Variants in CAMTA1 observed in about 807,000 individuals in gnomAD.
The protein encoded by CAMTA1 is calmodulin-binding transcription activator 1.
A neutral mutation model predicts 170.9 loss-of-function variants in CAMTA1; 27 were observed. The ratio of observed to expected loss-of-function variants is 0.16; its 90% CI spans 0.12 to 0.22. The LOEUF is 0.22. Among genes scored for constraint, CAMTA1 ranks in the 10% least tolerant of loss-of-function variants. The pLI, the probability that CAMTA1 is intolerant of heterozygous loss-of-function variation, is 1.00. For synonymous variants in CAMTA1, 833 were observed against 891.5 expected (o/e 0.93, Z 1.17); for missense variants, 1,619 against 2,217.2 (o/e 0.73, Z 5.42).
intron 3 of CAMTA1, among the ~76,000 whole-genome samples, chr1:7,008,170 G>T (rs1256602720): frequency 6.6e-6 from 1 of 152,166 alleles, no homozygotes; most frequent in Non-Finnish European, 1.5e-5. Context: ...TGGGCCTCAG[G>T]TGGACTCAGA....
chr1:7,090,360 G>A (rs1292036165), intron 3 of CAMTA1, among the ~76,000 whole-genome samples: 1 of 152,226 alleles, frequency 6.6e-6, no homozygotes, highest in Non-Finnish European at 1.5e-5. Flanking sequence ...AACCCCGGCT[G>A]CAGAGAGAGC....
intron 3 of CAMTA1, among the ~76,000 whole-genome samples, chr1:6,893,389 G>A (rs551464213): frequency 2.0e-5 from 3 of 152,348 alleles, no homozygotes; most frequent in African/African-American, 7.2e-5. Context: ...GTGGGTGGGC[G>A]AGCTGCTCCC....
intron 5 of CAMTA1, among the ~76,000 whole-genome samples, chr1:7,277,492 T>C (rs1432632633): frequency 6.8e-6 from 1 of 147,468 alleles, no homozygotes; most frequent in Non-Finnish European, 1.5e-5. Context: ...TGTGTGTGTG[T>C]AAGAGAGAGA....
rs186997400 is a variant in CAMTA1, at chr1:6,830,286, C to T, written c.234+5076C>T. On this transcript the variant is annotated intron_variant, in intron 3 of 22. Coordinates refer to ENST00000303635, the MANE Select transcript of CAMTA1 (RefSeq NM_015215.4). ...CTCCTGATCTCCTGACCTCGTGATC[C>T]GCCCGCCTTGGTGTCCCAAGGTGCT... Among the ~76,000 whole-genome samples, 162 of 151,118 alleles carry T rather than the reference C, an allele frequency of 1.1e-3. 2 individuals carry two copies. Among genetic ancestry groups the T allele is most frequent in the Non-Finnish European group, 1.9e-3 (127 of 67,836 alleles).
At chr1:7,427,388 C>G (rs2091918541) in intron 5 of CAMTA1, among the ~76,000 whole-genome samples, 1 of 152,140 alleles carries the variant, frequency 6.6e-6, no homozygotes, top group Non-Finnish European at 1.5e-5. Flanking sequence ...CTCAGTATTT[C>G]TACGGCAATG....
intron 4 of CAMTA1, among the ~76,000 whole-genome samples, chr1:7,171,553 A>G (rs992980777): frequency 3.3e-5 from 5 of 152,230 alleles, no homozygotes; most frequent in East Asian, 1.9e-4. Flanking sequence ...ACTCTTTTCT[A>G]TGAATTATTC....
rs2149101563 is a variant in CAMTA1 at position 7,216,833 on chromosome 1, A to C, written c.303-32658A>C. ...TTCCTACAATTTCCTCTCCTGTAAAAGTGGTTGTAGTCTTGTTTGGTGCAC... is the reference window on the plus strand; with the variant it reads ...TTCCTACAATTTCCTCTCCTGTAAACGTGGTTGTAGTCTTGTTTGGTGCAC... On this transcript the variant is annotated intron_variant, in intron 4 of 22. Coordinates refer to ENST00000303635, the MANE Select transcript of CAMTA1 (RefSeq NM_015215.4). This position sits in a 1 kb window ranked among gnomAD's most constrained non-coding sequence, Gnocchi z 4.0. Among the ~76,000 whole-genome samples, 1 of 152,166 alleles carries C rather than the reference A, an allele frequency of 6.6e-6. No homozygotes were observed.
At chr1:7,227,069 G>A (rs990291215) in intron 4 of CAMTA1, among the ~76,000 whole-genome samples, 4 of 151,908 alleles carry the variant, frequency 2.6e-5, no homozygotes, top group Admixed American at 6.6e-5. Flanking sequence ...TACTGACCTC[G>A]TGATCCACCC....
At chr1:6,877,638 C>G (rs1336660287) in intron 3 of CAMTA1, among the ~76,000 whole-genome samples, 1 of 152,190 alleles carries the variant, frequency 6.6e-6, no homozygotes, top group Non-Finnish European at 1.5e-5. Flanking sequence ...TTTCCACTTT[C>G]CGCACACATC....
rs935029842 is a variant in CAMTA1 at position 7,073,624 on chromosome 1, C to T, written c.235-17680C>T. Among the ~76,000 whole-genome samples the T allele has an allele frequency of 4.6e-5, 7 of 152,200 alleles. 1 individual carries two copies. In the South Asian group the frequency reaches 6.2e-4, roughly 14 times the overall value. On this transcript the variant is annotated intron_variant, in intron 3 of 22. Coordinates refer to ENST00000303635, the MANE Select transcript of CAMTA1 (RefSeq NM_015215.4). Reference sequence around the variant, plus strand: ...CTTGTTAGAGGCTAAGTGAAGATGACGTTTCAATGAGGAGAGAGGGTTATC... The same window carrying T: ...CTTGTTAGAGGCTAAGTGAAGATGATGTTTCAATGAGGAGAGAGGGTTATC...
chr1:7,034,759 A>G (rs1034544752), intron 3 of CAMTA1, among the ~76,000 whole-genome samples: 1 of 152,206 alleles, frequency 6.6e-6, no homozygotes, highest in Non-Finnish European at 1.5e-5. Context: ...CTTCACTCCC[A>G]GATGTCTGAT....
At chr1:7,054,078 G>A (rs1706909663) in intron 3 of CAMTA1, among the ~76,000 whole-genome samples, 1 of 152,210 alleles carries the variant, frequency 6.6e-6, no homozygotes, top group Admixed American at 6.5e-5. Flanking sequence ...CTCACTGCCA[G>A]CCCAGCCTCT....
chr1:7,085,810 C>A (rs1404775806), intron 3 of CAMTA1, among the ~76,000 whole-genome samples: 1 of 152,228 alleles, frequency 6.6e-6, no homozygotes, highest in Non-Finnish European at 1.5e-5. Context: ...TTGCAGTCCT[C>A]TATCAAAACC....
intron 6 of CAMTA1, among the ~76,000 whole-genome samples, chr1:7,622,044 C>G (rs2095602373): frequency 6.6e-6 from 1 of 152,190 alleles, no homozygotes; most frequent in African/African-American, 2.4e-5. Context: ...AGACAGAAAC[C>G]AAAAACCAAA....
chr1:7,040,386 G>A (rs560420388), intron 3 of CAMTA1, among the ~76,000 whole-genome samples: 8 of 152,194 alleles, frequency 5.3e-5, no homozygotes, highest in South Asian at 2.1e-4. Flanking sequence ...TTTACGTGAC[G>A]GACTGTAATG....
chr1:6,798,912 C>T (rs1643257769), intron 1 of CAMTA1, among the ~76,000 whole-genome samples: 1 of 152,066 alleles, frequency 6.6e-6, no homozygotes, highest in Non-Finnish European at 1.5e-5. Context: ...AAAGCGTTAT[C>T]ATTTTTATCT....
chr1:7,592,844 A>G lies in CAMTA1; in HGVS notation c.511-47556A>G, dbSNP rs2095365778. ...AGTAACAACAGTAATAGCTATGGCCATGTGTTAAACATTAGGGCGGGATCA... is the reference window on the plus strand; with the variant it reads ...AGTAACAACAGTAATAGCTATGGCCGTGTGTTAAACATTAGGGCGGGATCA... On this transcript the variant is annotated intron_variant, in intron 6 of 22. Coordinates refer to ENST00000303635, the MANE Select transcript of CAMTA1 (RefSeq NM_015215.4). This position sits in a 1 kb window ranked among gnomAD's most constrained non-coding sequence, Gnocchi z 4.6. Among the ~76,000 whole-genome samples, 1 of 152,188 alleles carries G rather than the reference A, an allele frequency of 6.6e-6. No homozygotes were observed. The highest frequency in any genetic ancestry group is 2.4e-5 in the African/African-American group (1 of 41,456).
intron 11 of CAMTA1, among the ~76,000 whole-genome samples, chr1:7,692,311 GC>G (rs2096324951): frequency 6.6e-6 from 1 of 152,134 alleles, no homozygotes; most frequent in South Asian, 2.1e-4. Context: ...GCTCACTGAA[GC>G]TGGAAGAGAA....
At chr1:6,909,239 G>T in intron 3 of CAMTA1, among the ~76,000 whole-genome samples, 1 of 152,164 alleles carries the variant, frequency 6.6e-6, no homozygotes, top group African/African-American at 2.4e-5. Context: ...TTAGATGAAA[G>T]GACACACAAA....
Sources: gnomAD v4.1 joint callset for allele counts (sites outside exome capture counted in the v4.1 genomes callset) on GRCh38, gnomAD v4.1.1 for gene constraint, Gnocchi (gnomAD v3.1) non-coding constraint, MANE v1.5 for transcripts, NCBI Gene and HGNC (gene_info 2026-07-23, HGNC 2026-07-21) for gene names.